The following CYP3A43 variants were observed in gnomAD, a reference collection of about 807,000 sequenced individuals.
CYP3A43 encodes cytochrome P450 3A43.
In CYP3A43, 45 loss-of-function variants were observed where a neutral mutation model predicts 58.0. That is an observed-to-expected ratio of 0.78 (90% confidence interval 0.61 to 0.99). The LOEUF (loss-of-function observed/expected upper bound fraction) is 0.99, where lower values mean the gene tolerates loss of function less well. Among genes scored for constraint, CYP3A43 ranks in the 50% least tolerant of loss-of-function variants. The pLI is 0.00. For missense variants in CYP3A43, 593 were observed against 591.9 expected (o/e 1.00, Z -0.02); for synonymous variants, 191 against 201.4 (o/e 0.95, Z 0.44).
chr7:99,844,658 C>CT (rs1167331209), intron 4 of CYP3A43, among the ~76,000 whole-genome samples: 3 of 151,764 alleles, frequency 2.0e-5, no homozygotes, highest in East Asian at 1.9e-4. Context: ...GTAGAGAAAA[C>CT]TTTTTTTTTA....
rs184038674 is a variant in CYP3A43 at position 99,828,799 on chromosome 7, T to G, written c.71+613T>G. On this transcript the variant is annotated intron_variant, in intron 1 of 12. Transcript: ENST00000354829. ...TTTCCCTCCTGAAGTGCAGGGTTGC[T>G]CTGAAGTTCTCTTATCTGACTAAGG... 2.7e-3 allele frequency among the ~76,000 whole-genome samples: 418 copies of G among 152,348 alleles called. 2 individuals are homozygous for G. The highest frequency in any genetic ancestry group is 0.014 in the Middle Eastern group (4 of 294).
chr7:99,847,967 C>T lies in CYP3A43; in HGVS notation c.433-199C>T, dbSNP rs1042118594. The T allele has an allele frequency of 3.4e-5, 20 of 595,414 alleles. 1 individual carries two copies. Among genetic ancestry groups the T allele is most frequent in the Admixed American group, 8.9e-5 (3 of 33,632 alleles). 36.9% of individuals were successfully genotyped at this position (595,414 alleles called of 1,614,324 possible). A position where few individuals can be genotyped will look rare whatever the true frequency, so the allele number is the denominator to read the frequency against. On this transcript the variant is annotated intron_variant, in intron 5 of 12. Coordinates refer to ENST00000354829, the MANE Select transcript of CYP3A43 (RefSeq NM_057095.3). Reference sequence around the variant, plus strand: ...CGGAGGTTGCAATGAGCCAAGATTGCGCCGTTGCACTCCAGCCTGGGCAAC... The same window carrying T: ...CGGAGGTTGCAATGAGCCAAGATTGTGCCGTTGCACTCCAGCCTGGGCAAC...
chr7:99,836,393 C>A, intron 1 of CYP3A43, 60 bp from the exon 2 acceptor site: 3 of 1,414,394 alleles, frequency 2.1e-6, no homozygotes, highest in Non-Finnish European at 3.0e-6. Flanking sequence ...TAATGTCTGG[C>A]CAACCCCTTA....
At chr7:99,845,580 C>A (rs1436216370) in intron 4 of CYP3A43, among the ~76,000 whole-genome samples, 3 of 151,928 alleles carry the variant, frequency 2.0e-5, no homozygotes, top group African/African-American at 7.3e-5. Context: ...CCTCAACCTC[C>A]CAAAGTGCTG....
At chr7:99,837,333 AAAG>A in intron 2 of CYP3A43, among the ~76,000 whole-genome samples, 5 of 151,044 alleles carry the variant, frequency 3.3e-5, no homozygotes, top group African/African-American at 1.2e-4. Flanking sequence ...AAAAAAAAAA[AAAG>A]AAAAGAAAAA....
At chr7:99,839,605 C>T (rs907783874) in intron 3 of CYP3A43, among the ~76,000 whole-genome samples, 2 of 151,990 alleles carry the variant, frequency 1.3e-5, no homozygotes, top group African/African-American at 4.8e-5. Context: ...GTTTGTTGTC[C>T]CACAGATATA....
intron 3 of CYP3A43, 186 bp downstream of exon 3, chr7:99,839,358 G>T: frequency 1.3e-6 from 1 of 751,368 alleles, no homozygotes; most frequent in South Asian, 1.5e-5. Flanking sequence ...GGGAATATGC[G>T]TGTCATAGGA....
At chr7:99,842,748 G>C (rs1228649370) in intron 3 of CYP3A43, among the ~76,000 whole-genome samples, 1 of 152,178 alleles carries the variant, frequency 6.6e-6, no homozygotes, top group African/African-American at 2.4e-5. Flanking sequence ...TCACAATGCT[G>C]TGTCATAACC....
intron 7 of CYP3A43, among the ~76,000 whole-genome samples, chr7:99,854,229 T>G (rs1020932803): frequency 6.8e-5 from 7 of 102,348 alleles, no homozygotes; most frequent in Non-Finnish European, 1.2e-4. Context: ...GTTTTGATAA[T>G]TTTTTTTTTT....
At chr7:99,852,104 T>G (rs997238409) in intron 7 of CYP3A43, among the ~76,000 whole-genome samples, 1 of 152,228 alleles carries the variant, frequency 6.6e-6, no homozygotes, top group Non-Finnish European at 1.5e-5. Context: ...CAAAATTCAG[T>G]GGACCAGAGA....
rs1817379730 is a variant in CYP3A43 at position 99,842,624 on chromosome 7, C to T, written c.219-1519C>T. Among the ~76,000 whole-genome samples, 3 of 152,056 alleles carry T rather than the reference C, an allele frequency of 2.0e-5. No homozygotes were observed. The South Asian group carries it at 6.2e-4, about 31-fold the overall frequency. On this transcript the variant is annotated intron_variant, in intron 3 of 12. Transcript: ENST00000354829. ...TTTATGAAAAAAAAAGTTATCTTGA[C>T]TAAATTAAGAGCAAAAATCTGACCA... is the stretch of plus-strand genomic sequence containing the variant.
intron 1 of CYP3A43, among the ~76,000 whole-genome samples, chr7:99,832,484 G>C (rs1245270645): frequency 1.5e-5 from 2 of 131,092 alleles, no homozygotes; most frequent in African/African-American, 5.8e-5. Flanking sequence ...GGTGGGAATT[G>C]AACAATGAGA....
intron 10 of CYP3A43, 30 bp downstream of exon 10, chr7:99,860,020 GAGA>G: frequency 6.5e-7 from 1 of 1,547,052 alleles, no homozygotes; most frequent in African/African-American, 1.4e-5. Flanking sequence ...GAGAAGGAGG[GAGA>G]AGGTGAAGCC....
At chr7:99,839,614 T>C (rs1817250560) in intron 3 of CYP3A43, among the ~76,000 whole-genome samples, 1 of 152,122 alleles carries the variant, frequency 6.6e-6, no homozygotes, top group African/African-American at 2.4e-5. Flanking sequence ...CCCACAGATA[T>C]AGGGGGTCTC....
intron 3 of CYP3A43, among the ~76,000 whole-genome samples, chr7:99,840,972 CT>C (rs1317676090): frequency 2.0e-5 from 3 of 152,168 alleles, no homozygotes; most frequent in African/African-American, 7.2e-5. Context: ...GATCCTTGAT[CT>C]CCCATAAAAT....
intron 1 of CYP3A43, 146 bp from the exon 2 acceptor site, chr7:99,836,307 T>TA: frequency 1.5e-6 from 1 of 646,490 alleles, no homozygotes; most frequent in South Asian, 1.8e-5. Flanking sequence ...AAAATGTAAT[T>TA]ATTGCCATCA....
chr7:99,860,245 T>G (rs1230927242), intron 10 of CYP3A43, among the ~76,000 whole-genome samples: 1 of 152,160 alleles, frequency 6.6e-6, no homozygotes, highest in East Asian at 1.9e-4. Context: ...TAACACCAAG[T>G]AAAAAATATC....
chr7:99,833,325 G>GGA (rs886246984), intron 1 of CYP3A43, among the ~76,000 whole-genome samples: 15 of 140,294 alleles, frequency 1.1e-4, no homozygotes, highest in African/African-American at 4.9e-4. Flanking sequence ...TTTCGTGGGA[G>GGA]GGGGGAGATC....
intron 4 of CYP3A43, among the ~76,000 whole-genome samples, chr7:99,845,338 A>G (rs914512432): frequency 2.0e-5 from 3 of 150,810 alleles, no homozygotes; most frequent in Admixed American, 6.6e-5. Context: ...TTTTTTTTTA[A>G]TTGAGACAGA....
Sources: gnomAD v4.1 joint callset for allele counts (sites outside exome capture counted in the v4.1 genomes callset) on GRCh38, gnomAD v4.1.1 for gene constraint, MANE v1.5 for transcripts, NCBI Gene and HGNC (gene_info 2026-07-23, HGNC 2026-07-21) for gene names.